Variants in MAP3K13 observed in about 807,000 individuals in gnomAD.
MAP3K13 encodes mitogen-activated protein kinase kinase kinase 13.
A neutral mutation model predicts 104.0 loss-of-function variants in MAP3K13; 52 were observed. The ratio of observed to expected loss-of-function variants is 0.50; its 90% CI spans 0.40 to 0.63. The LOEUF is 0.63. Among genes scored for constraint, MAP3K13 ranks in the 20% least tolerant of loss-of-function variants. The pLI is 0.00. For missense variants in MAP3K13, 914 were observed against 1,218.5 expected, an observed-to-expected ratio of 0.75 and a Z score of 3.72; for synonymous variants, 394 against 442.2, an observed-to-expected ratio of 0.89 and a Z score of 1.37.
chr3:185,457,917 C>A (rs914875045), intron 7 of MAP3K13, among the ~76,000 whole-genome samples: 1 of 152,144 alleles, frequency 6.6e-6, no homozygotes, highest in Non-Finnish European at 1.5e-5. Context: ...ACTGTGTGGT[C>A]TTGGCTAAGT....
At position 185,463,574 on chromosome 3, in the gene MAP3K13, A is replaced by C. The variant is rs1251002416; in HGVS notation, c.1303A>C (p.Lys435Gln). ...SQAEWREEVKKHFEKIKSEGT... is the reference protein window; with the variant it reads ...SQAEWREEVKQHFEKIKSEGT... ...GGCTGAATGGAGAGAAGAAGTGAAA[A>C]AACATTTTGAGAAGATCAAAAGTGA... The change falls in exon 8 of 14, where the codon AAA becomes CAA. Residue 435 changes from lysine (K) to glutamine (Q), a missense_variant. Lys to Gln is a moderately conservative substitution (Grantham distance 53). Around this residue, in one of 3 missense-constraint regions of MAP3K13, gnomAD observed 583 missense variants for 737.4 expected, o/e 0.79. Coordinates refer to ENST00000265026, the MANE Select transcript of MAP3K13 (RefSeq NM_004721.5). 6.2e-7 allele frequency: 1 copy of C among 1,610,276 alleles called. No homozygotes were observed. Among genetic ancestry groups the C allele is most frequent in the South Asian group, 1.1e-5 (1 of 90,788 alleles).
At chr3:185,335,970 G>A (rs1158776201) in intron 2 of MAP3K13, among the ~76,000 whole-genome samples, 1 of 152,050 alleles carries the variant, frequency 6.6e-6, no homozygotes, top group Admixed American at 6.6e-5. Flanking sequence ...TTGAAGGGCT[G>A]TAGACTGACA....
chr3:185,289,912 A>G (rs1560034808), intron 2 of MAP3K13, among the ~76,000 whole-genome samples: 1 of 152,230 alleles, frequency 6.6e-6, no homozygotes, highest in Non-Finnish European at 1.5e-5. Context: ...TGCGTTGTAT[A>G]GTGGAAAGAG....
At chr3:185,368,959 CAA>C (rs34049814) in intron 1 of MAP3K13, among the ~76,000 whole-genome samples, 1 of 139,520 alleles carries the variant, frequency 7.2e-6, no homozygotes. Context: ...AACTCCATCT[CAA>C]AAAAAAAAAA....
rs1465816091 is a variant in MAP3K13, at chr3:185,465,827, T to C, written c.1469T>C (p.Met490Thr). 1 of 1,614,052 alleles carries C rather than the reference T, an allele frequency of 6.2e-7. No homozygotes were observed. The highest frequency in any genetic ancestry group is 8.5e-7 in the Non-Finnish European group (1 of 1,179,904). Residue 490 changes from methionine (M) to threonine (T), a missense_variant, in exon 9 of 14, where the codon ATG becomes ACG. Transcript: ENST00000265026. ...NNLYMELSAI[M>T]LQLEMREKEL... ...TTATACATGGAATTGAGTGCCATCA[T>C]GCTGCAGCTAGAAATGCGGGAGAAG... is the stretch of plus-strand genomic sequence containing the variant.
At chr3:185,447,595 T>TA (rs1715663791) in intron 4 of MAP3K13, among the ~76,000 whole-genome samples, 194 bp from the exon 5 acceptor site, 1 of 150,876 alleles carries the variant, frequency 6.6e-6, no homozygotes, top group Admixed American at 6.6e-5. Flanking sequence ...AAAAGCCCAT[T>TA]ACGCTAAACT....
At chr3:185,350,049 A>G (rs896166266) in intron 2 of MAP3K13, among the ~76,000 whole-genome samples, 10 of 152,240 alleles carry the variant, frequency 6.6e-5, no homozygotes, top group African/African-American at 2.2e-4. Context: ...AGAAATTTTT[A>G]TAAGAATTTA....
At chr3:185,351,558 A>C (rs1723140674) in intron 2 of MAP3K13, among the ~76,000 whole-genome samples, 2 of 152,210 alleles carry the variant, frequency 1.3e-5, no homozygotes, top group Non-Finnish European at 2.9e-5. Flanking sequence ...CTCTGCCATG[A>C]ATTCCAAGAC....
In MAP3K13 at chr3:185,451,368, C is replaced by A; in HGVS notation, c.1251C>A (p.Thr417=). The part of the protein sequence containing the change: ...LDIASADVLA[T]PQETYFKSQA... ...TTGCCTCTGCAGATGTACTTGCCACCCCACAAGAAACTTACTTCAAGTCTC... is the reference window on the plus strand; with the variant it reads ...TTGCCTCTGCAGATGTACTTGCCACACCACAAGAAACTTACTTCAAGTCTC... Residue 417 remains threonine (T), a synonymous_variant, in exon 7 of 14, where the codon ACC becomes ACA. Coordinates refer to ENST00000265026, the MANE Select transcript of MAP3K13 (RefSeq NM_004721.5). 1 of 1,613,434 alleles carries A rather than the reference C, an allele frequency of 6.2e-7. No individual in the cohort carries two copies. The highest frequency in any genetic ancestry group is 8.5e-7 in the Non-Finnish European group (1 of 1,179,440).
rs1362322192 is a variant in MAP3K13, at chr3:185,480,384, T to G, written c.2654T>G (p.Leu885Arg). ...CTTGAAGACCGCTTGGCAGAGAAGC[T>G]AGACGACCTGCTGTCCCAGACGCCA... ...DKLEDRLAEK[L>R]DDLLSQTPEI... is the part of the protein sequence containing the mutation. The change falls in exon 13 of 14, where the codon CTA becomes CGA. Residue 885 changes from leucine (L) to arginine (R), a missense_variant. By Grantham distance (102) the Leu-to-Arg change is moderately radical. Around this residue, in one of 3 missense-constraint regions of MAP3K13, gnomAD observed 583 missense variants for 737.4 expected, o/e 0.79. Transcript: ENST00000265026. The G allele has an allele frequency of 6.2e-7, 1 of 1,614,200 alleles. No homozygotes were observed. The highest frequency in any genetic ancestry group is 8.5e-7 in the Non-Finnish European group (1 of 1,180,032).
At chr3:185,453,604 A>C (rs560216977) in intron 7 of MAP3K13, among the ~76,000 whole-genome samples, 1 of 151,728 alleles carries the variant, frequency 6.6e-6, no homozygotes, top group South Asian at 2.1e-4. Flanking sequence ...CCCTGTCTCT[A>C]CTAAAAATAC....
chr3:185,445,452 C>T (rs1292802641), intron 4 of MAP3K13, among the ~76,000 whole-genome samples: 1 of 152,186 alleles, frequency 6.6e-6, no homozygotes, highest in Non-Finnish European at 1.5e-5. Context: ...CGTTCACATT[C>T]TTACCCTGTT....
At chr3:185,455,957 TATATG>T (rs1716712431) in intron 7 of MAP3K13, among the ~76,000 whole-genome samples, 1 of 145,450 alleles carries the variant, frequency 6.9e-6, no homozygotes, top group Admixed American at 7.1e-5. Context: ...ATGATGTATA[TATATG>T]ATATGTATGA....
chr3:185,287,259 A>G (rs1407628947), intron 2 of MAP3K13, among the ~76,000 whole-genome samples: 1 of 152,188 alleles, frequency 6.6e-6, no homozygotes, highest in Non-Finnish European at 1.5e-5. Context: ...ACTTCACAGT[A>G]TTACTGAATA....
intron 1 of MAP3K13, among the ~76,000 whole-genome samples, chr3:185,419,490 A>G (rs1713999458): frequency 6.6e-6 from 1 of 152,230 alleles, no homozygotes; most frequent in Non-Finnish European, 1.5e-5. Flanking sequence ...ATGCATGCTA[A>G]TGGTAGAAAT....
Position 185,384,159 on chromosome 3 carries a change from CT to C in MAP3K13, c.-86+20799del, listed in dbSNP as rs745624468. 1.2e-3 allele frequency among the ~76,000 whole-genome samples: 176 copies of C among 151,982 alleles called. 9 individuals carry two copies. The East Asian group carries it at 0.03, about 26-fold the overall frequency. On this transcript the variant is annotated intron_variant, in intron 1 of 13. Coordinates refer to ENST00000265026, the MANE Select transcript of MAP3K13 (RefSeq NM_004721.5). ...CTACTACCTACCTCCATGAGGTCAA[CT>C]TTTTTTTAGCTCCCACATATGAATG... is the stretch of plus-strand genomic sequence containing the variant.
rs1037535012 is a variant in MAP3K13 at position 185,376,506 on chromosome 3, C to T, written c.-86+13138C>T. 1.1e-4 allele frequency among the ~76,000 whole-genome samples: 16 copies of T among 152,222 alleles called. 1 individual carries two copies. Among genetic ancestry groups the T allele is most frequent in the African/African-American group, 2.4e-4 (10 of 41,524 alleles). Reference sequence around the variant, plus strand: ...CCGGCTCTTGTGTGAGAACTCCGACCACACAGCCCTGCACTTCGGCTGTAT... The same window carrying T: ...CCGGCTCTTGTGTGAGAACTCCGACTACACAGCCCTGCACTTCGGCTGTAT... On this transcript the variant is annotated intron_variant, in intron 1 of 13. Coordinates refer to ENST00000265026, the MANE Select transcript of MAP3K13 (RefSeq NM_004721.5).
In MAP3K13 at chr3:185,418,230, G is replaced by T; in HGVS notation, c.-85-10267G>T. On this transcript the variant is annotated intron_variant, in intron 1 of 13. Coordinates refer to ENST00000265026, the MANE Select transcript of MAP3K13 (RefSeq NM_004721.5). This position sits in a 1 kb window ranked among gnomAD's most constrained non-coding sequence, Gnocchi z 4.5. ...CAGCTCTCATTCGCTGAGAGGCATAGACCTTTTCGATATCATTCCAGGCTT... is the reference window on the plus strand; with the variant it reads ...CAGCTCTCATTCGCTGAGAGGCATATACCTTTTCGATATCATTCCAGGCTT... 4.3e-6 allele frequency: 7 copies of T among 1,609,408 alleles called. No homozygotes were observed. The highest frequency in any genetic ancestry group is 5.9e-6 in the Non-Finnish European group (7 of 1,177,078).
At chr3:185,477,453 A>G in intron 12 of MAP3K13, 57 bp downstream of exon 12, 1 of 1,314,450 alleles carries the variant, frequency 7.6e-7, no homozygotes, top group South Asian at 1.2e-5. Context: ...AAAAATCCTA[A>G]GTTTGCCACA....
Sources: allele counts gnomAD v4.1 joint callset (sites outside exome capture counted in the v4.1 genomes callset), GRCh38; gene constraint gnomAD v4.1.1; regional missense constraint gnomAD v4.1.1; non-coding constraint Gnocchi (gnomAD v3.1); transcripts MANE v1.5; gene names NCBI Gene and HGNC (gene_info 2026-07-23, HGNC 2026-07-21).